Variants in TP53BP2 observed in about 807,000 individuals in gnomAD.
The protein encoded by TP53BP2 is tumor protein p53 binding protein 2.
TP53BP2 carries 62 observed loss-of-function variants against 126.2 expected under a neutral mutation model. The observed-to-expected ratio is 0.49, with a 90% CI of 0.40 to 0.61. The LOEUF is 0.61. Ranked by LOEUF, TP53BP2 falls within the 20% of genes least tolerant of loss-of-function variation. The pLI is 0.00. For missense variants in TP53BP2, 1,215 were observed against 1,402.8 expected (o/e 0.87, Z 2.14); for synonymous variants, 485 against 502.9 (o/e 0.96, Z 0.48).
At chr1:223,845,376 G>T in intron 1 of TP53BP2, 1 of 556,170 alleles carries the variant, frequency 1.8e-6, no homozygotes, top group Non-Finnish European at 2.3e-6. Flanking sequence ...TTGAGTGGCT[G>T]CTGGGCTCGC....
chr1:223,843,603 T>A (rs1396051017), intron 1 of TP53BP2, among the ~76,000 whole-genome samples: 2 of 152,370 alleles, frequency 1.3e-5, no homozygotes, highest in East Asian at 3.9e-4. Context: ...GCATATTTTA[T>A]TTTATGTATA....
At position 223,780,589 on chromosome 1, in the gene TP53BP2, G is replaced by C. The variant is rs1344331929; in HGVS notation, c.*264C>G. ...GATTCTTGTAGAAAACAGGATTGTC[G>C]CTGTATACTTATCTGAGTGCTACAC... On this transcript the variant is annotated 3_prime_UTR_variant, in exon 18 of 18. Transcript: ENST00000343537. 2.5e-6 allele frequency: 1 copy of C among 402,786 alleles called. No homozygotes were observed. The highest frequency in any genetic ancestry group is 2.0e-5 in the African/African-American group (1 of 48,862). 25.0% of individuals were successfully genotyped at this position (402,786 alleles called of 1,614,324 possible). A position where few individuals can be genotyped will look rare whatever the true frequency, so the allele number is the denominator to read the frequency against.
At chr1:223,834,603 A>G (rs1437978273) in intron 1 of TP53BP2, among the ~76,000 whole-genome samples, 1 of 152,204 alleles carries the variant, frequency 6.6e-6, no homozygotes, top group Admixed American at 6.5e-5. Context: ...CATTTCAATT[A>G]CAAGAAATAT....
At chr1:223,792,986 AT>A (rs938536194) in intron 14 of TP53BP2, among the ~76,000 whole-genome samples, 53 of 152,246 alleles carry the variant, frequency 3.5e-4, no homozygotes, top group Non-Finnish European at 5.9e-4. Flanking sequence ...AAGGGGAGTA[AT>A]GATCTCTCTT....
chr1:223,820,565 T>C (rs1001397913), intron 2 of TP53BP2, among the ~76,000 whole-genome samples: 21 of 152,172 alleles, frequency 1.4e-4, no homozygotes, highest in Non-Finnish European at 1.2e-4. Flanking sequence ...TGAAGTTAGC[T>C]ATCATGAATG....
At chr1:223,800,917 C>A in intron 9 of TP53BP2, 107 bp from the exon 10 acceptor site, 1 of 674,894 alleles carries the variant, frequency 1.5e-6, no homozygotes, top group South Asian at 1.9e-5. Context: ...AAATTCCAGA[C>A]TCACAACACC....
intron 17 of TP53BP2, 42 bp downstream of exon 17, chr1:223,784,073 T>C (rs756116456): frequency 6.3e-7 from 1 of 1,585,006 alleles, no homozygotes; most frequent in South Asian, 1.1e-5. Context: ...AAAGCCCCTC[T>C]CTGGCACATA....
intron 15 of TP53BP2, among the ~76,000 whole-genome samples, chr1:223,790,778 A>G (rs1662130500): frequency 6.6e-6 from 1 of 151,858 alleles, no homozygotes; most frequent in Admixed American, 6.6e-5. Context: ...TAATTTTTAA[A>G]AATTTTTTAT....
At position 223,815,951 on chromosome 1, in the gene TP53BP2, G is replaced by A. The variant is rs191859820; in HGVS notation, c.176-1598C>T. On this transcript the variant is annotated intron_variant, in intron 2 of 17. Coordinates refer to ENST00000343537, the MANE Select transcript of TP53BP2 (RefSeq NM_001031685.3). ...ATACCATCTAGATTTGTGTAAGTAC[G>A]CTCTATGATGTTCACACAACAAAAT... Among the ~76,000 whole-genome samples, 18 of 152,234 alleles carry A rather than the reference G, an allele frequency of 1.2e-4. No individual in the cohort carries two copies. The East Asian group carries it at 1.4e-3, about 11-fold the overall frequency.
At chr1:223,800,941 T>C (rs1662508594) in intron 9 of TP53BP2, 131 bp from the exon 10 acceptor site, 1 of 606,110 alleles carries the variant, frequency 1.6e-6, no homozygotes. Flanking sequence ...ATAAATTTAC[T>C]TAGAAAATAC....
rs1413575305 is a variant in TP53BP2, at chr1:223,790,264, A to T, written c.2997-1090T>A. On this transcript the variant is annotated intron_variant, in intron 15 of 17. Coordinates refer to ENST00000343537, the MANE Select transcript of TP53BP2 (RefSeq NM_001031685.3). ...AAGACTCTGTCTCAAAAAAATTTTT[A>T]TTTTTTTTTTGGCCAGGCGCAGTGA... Among the ~76,000 whole-genome samples the T allele has an allele frequency of 4.7e-5, 7 of 148,718 alleles. No homozygotes were observed. The East Asian group carries it at 9.8e-4, about 21-fold the overall frequency.
intron 11 of TP53BP2, 49 bp from the exon 12 acceptor site, chr1:223,798,726 C>A: frequency 1.4e-6 from 2 of 1,405,128 alleles, no homozygotes; most frequent in Non-Finnish European, 1.9e-6. Context: ...TAACTGGGTA[C>A]ACAGGATGTT....
chr1:223,787,825 CTG>C (rs1368011305), intron 16 of TP53BP2, among the ~76,000 whole-genome samples: 10 of 152,118 alleles, frequency 6.6e-5, no homozygotes, highest in African/African-American at 2.4e-4. Flanking sequence ...CTGCAGTGAG[CTG>C]TGATTGTGCC....
At chr1:223,789,646 AACT>A (rs1157598475) in intron 15 of TP53BP2, among the ~76,000 whole-genome samples, 5 of 152,200 alleles carry the variant, frequency 3.3e-5, no homozygotes, top group African/African-American at 7.2e-5. Flanking sequence ...TGCATAGATG[AACT>A]ACTTTTATAT....
At chr1:223,795,125 A>G (rs1662272988) in intron 13 of TP53BP2, among the ~76,000 whole-genome samples, 1 of 152,226 alleles carries the variant, frequency 6.6e-6, no homozygotes, top group Admixed American at 6.5e-5. Flanking sequence ...TTAAATTTCA[A>G]ACAAAAGCTT....
intron 3 of TP53BP2, 99 bp from the exon 4 acceptor site, chr1:223,810,612 T>C (rs1662878997): frequency 2.4e-6 from 2 of 828,892 alleles, no homozygotes; most frequent in Non-Finnish European, 3.7e-6. Context: ...TTTGATATTT[T>C]AAGTTGAATG....
chr1:223,785,759 C>A (rs898024394), intron 16 of TP53BP2, among the ~76,000 whole-genome samples: 3 of 152,152 alleles, frequency 2.0e-5, no homozygotes, highest in African/African-American at 7.2e-5. Context: ...TTGTAGATTA[C>A]TTTTTAAAAA....
intron 15 of TP53BP2, among the ~76,000 whole-genome samples, chr1:223,790,999 C>G (rs2102837832): frequency 6.6e-6 from 1 of 152,200 alleles, no homozygotes; most frequent in African/African-American, 2.4e-5. Flanking sequence ...CATAAACTCC[C>G]AACATTAGGA....
At chr1:223,826,717 G>C (rs1028306929) in intron 1 of TP53BP2, among the ~76,000 whole-genome samples, 1 of 151,960 alleles carries the variant, frequency 6.6e-6, no homozygotes, top group African/African-American at 2.4e-5. Flanking sequence ...AAAAGTAAGA[G>C]GTTACTGGAG....
Sources: allele counts gnomAD v4.1 joint callset (sites outside exome capture counted in the v4.1 genomes callset), GRCh38; gene constraint gnomAD v4.1.1; transcripts MANE v1.5; gene names NCBI Gene and HGNC (gene_info 2026-07-23, HGNC 2026-07-21).